ERC2: variants seen among roughly 807,000 people sequenced by gnomAD.
ERC2 encodes ELKS/RAB6-interacting/CAST family member 2.
ERC2 carries 42 observed loss-of-function variants against 114.8 expected under a neutral mutation model. That is an observed-to-expected ratio of 0.37 (90% CI 0.29 to 0.47). The LOEUF (loss-of-function observed/expected upper bound fraction) is 0.47. Among genes scored for constraint, ERC2 ranks in the 20% least tolerant of loss-of-function variants. The pLI, the probability that ERC2 is intolerant of heterozygous loss-of-function variation, is 0.99. For missense variants in ERC2, 939 were observed against 1,150.7 expected (o/e 0.82, Z 2.66); for synonymous variants, 454 against 425.5 (o/e 1.07, Z -0.82).
intron 17 of ERC2, among the ~76,000 whole-genome samples, chr3:55,665,138 T>C (rs544570477): frequency 6.6e-6 from 1 of 152,218 alleles, no homozygotes; most frequent in East Asian, 1.9e-4. Flanking sequence ...AGAAGACACA[T>C]AATCAAGTAA....
intron 17 of ERC2, among the ~76,000 whole-genome samples, chr3:55,525,447 C>T (rs2053247644): frequency 6.6e-6 from 1 of 152,100 alleles, no homozygotes; most frequent in Non-Finnish European, 1.5e-5. Context: ...CCCGAGACAC[C>T]TCATATGGTG....
At chr3:55,540,815 A>G (rs963552637) in intron 17 of ERC2, among the ~76,000 whole-genome samples, 1 of 152,212 alleles carries the variant, frequency 6.6e-6, no homozygotes, top group Admixed American at 6.5e-5. Flanking sequence ...CCGGCACCCC[A>G]CAGACCAAAT....
intron 3 of ERC2, among the ~76,000 whole-genome samples, chr3:56,206,008 C>T (rs751768054): frequency 7.9e-4 from 120 of 152,304 alleles, no homozygotes; most frequent in Non-Finnish European, 1.3e-3. Flanking sequence ...GTTGTCCTTT[C>T]AAGTTAACCT....
intron 15 of ERC2, among the ~76,000 whole-genome samples, chr3:55,729,855 AAAAAAAAAAAT>A (rs1192628769): frequency 2.7e-5 from 4 of 149,388 alleles, no homozygotes; most frequent in African/African-American, 9.9e-5. Context: ...AAAAAAAAAA[AAAAAAAAAAAT>A]TGTAAGCTAC....
At chr3:56,211,375 A>G (rs1185078503) in intron 3 of ERC2, among the ~76,000 whole-genome samples, 3 of 152,186 alleles carry the variant, frequency 2.0e-5, no homozygotes, top group African/African-American at 7.2e-5. Flanking sequence ...AAAATAAAAT[A>G]CTTAGGAATA....
At chr3:55,591,289 T>A (rs868225846) in intron 17 of ERC2, among the ~76,000 whole-genome samples, 2 of 152,086 alleles carry the variant, frequency 1.3e-5, no homozygotes, top group Non-Finnish European at 2.9e-5. Flanking sequence ...TCTCTTCTCT[T>A]AGGATTGCCT....
At chr3:56,371,012 A>G (rs886697014) in intron 2 of ERC2, among the ~76,000 whole-genome samples, 14 of 152,336 alleles carry the variant, frequency 9.2e-5, no homozygotes, top group African/African-American at 3.1e-4. Flanking sequence ...CTGCACAACC[A>G]GTCTCTTATC....
At chr3:56,412,460 G>T (rs2060977925) in intron 2 of ERC2, among the ~76,000 whole-genome samples, 4 of 152,236 alleles carry the variant, frequency 2.6e-5, no homozygotes, top group African/African-American at 9.6e-5. Flanking sequence ...GGAAACTGAG[G>T]CTCAGAGTGA....
Position 55,854,178 on chromosome 3 carries a change from G to C in ERC2, c.2564+34211C>G, listed in dbSNP as rs571752138. Among the ~76,000 whole-genome samples the C allele has an allele frequency of 5.3e-5, 8 of 152,242 alleles. No homozygotes were observed. In the South Asian group the frequency reaches 1.5e-3, roughly 28 times the overall value. On this transcript the variant is annotated intron_variant, in intron 14 of 17. Transcript: ENST00000288221. ...TAGTCCCAGCTACTTGGGAAGCTGA[G>C]GCACGAGAATCGCTTGAATCCGGGA... is the stretch of plus-strand genomic sequence containing the variant.
At chr3:55,610,718 T>C (rs1421412098) in intron 17 of ERC2, 1 of 152,080 alleles carries the variant, frequency 6.6e-6, no homozygotes, top group Non-Finnish European at 1.5e-5. Context: ...AAAATAGCAA[T>C]ACTACTGTCT....
intron 15 of ERC2, among the ~76,000 whole-genome samples, chr3:55,733,235 G>C (rs1326713459): frequency 6.6e-6 from 1 of 152,108 alleles, no homozygotes; most frequent in African/African-American, 2.4e-5. Flanking sequence ...GGAAAATCCA[G>C]TGTAAAAGAT....
intron 14 of ERC2, among the ~76,000 whole-genome samples, chr3:55,875,886 G>T (rs953755540): frequency 6.6e-6 from 1 of 151,964 alleles, no homozygotes; most frequent in African/African-American, 2.4e-5. Flanking sequence ...GATAGGAAAG[G>T]GGGAAAAAAG....
intron 14 of ERC2, among the ~76,000 whole-genome samples, chr3:55,781,768 A>T (rs1209821200): frequency 6.6e-6 from 1 of 151,502 alleles, no homozygotes; most frequent in Non-Finnish European, 1.5e-5. Flanking sequence ...GCTACCCAGG[A>T]GGCAAAGGCA....
intron 2 of ERC2, among the ~76,000 whole-genome samples, chr3:56,387,935 C>T (rs112647236): frequency 0.011 from 1,655 of 152,222 alleles, 30 homozygotes; most frequent in African/African-American, 0.038. Flanking sequence ...AGATAAATAT[C>T]TTCTTATTAC....
chr3:55,598,721 G>A (rs1397044848), intron 17 of ERC2, among the ~76,000 whole-genome samples: 1 of 152,200 alleles, frequency 6.6e-6, no homozygotes, highest in East Asian at 1.9e-4. Flanking sequence ...AAAAATCCTG[G>A]CCAATGCCAG....
chr3:55,861,684 G>A (rs1056549833), intron 14 of ERC2, among the ~76,000 whole-genome samples: 7 of 151,956 alleles, frequency 4.6e-5, no homozygotes, highest in Admixed American at 6.5e-5. Flanking sequence ...TAGGCAAATC[G>A]ACTATGTACC....
At chr3:55,873,304 T>A (rs1460577226) in intron 14 of ERC2, among the ~76,000 whole-genome samples, 2 of 152,158 alleles carry the variant, frequency 1.3e-5, no homozygotes, top group Non-Finnish European at 2.9e-5. Context: ...GTTAAACACA[T>A]GGCCAAACCA....
At position 56,007,169 on chromosome 3, in the gene ERC2, G is replaced by T; in HGVS notation, c.2061+12C>A. ...TAAATAAGCATGATTCTTTTTCTTA[G>T]ACTTCACTTACCTTTTTTAACTGTG... On this transcript the variant is annotated intron_variant, in intron 10 of 17. Coordinates refer to ENST00000288221, the MANE Select transcript of ERC2 (RefSeq NM_015576.3). 6.5e-7 allele frequency: 1 copy of T among 1,542,092 alleles called. No homozygotes were observed.
At chr3:56,373,677 G>A (rs11711928) in intron 2 of ERC2, among the ~76,000 whole-genome samples, 35,291 of 152,172 alleles carry the variant, frequency 0.23, 4,677 homozygotes, top group Non-Finnish European at 0.29. Context: ...GACCGTCTCT[G>A]TTGTAACTAC....
Sources: gnomAD v4.1 joint callset for allele counts (sites outside exome capture counted in the v4.1 genomes callset) on GRCh38, gnomAD v4.1.1 for gene constraint, MANE v1.5 for transcripts, NCBI Gene and HGNC (gene_info 2026-07-23, HGNC 2026-07-21) for gene names.